The following KIAA0319L variants were observed in gnomAD, a reference collection of about 807,000 sequenced individuals.
KIAA0319L encodes KIAA0319 like, also known as dyslexia-associated protein KIAA0319-like protein.
In KIAA0319L, 55 loss-of-function variants were observed where a neutral mutation model predicts 120.1. The observed-to-expected ratio is 0.46, with a 90% CI of 0.37 to 0.57. The LOEUF (loss-of-function observed/expected upper bound fraction) is 0.57, where lower values mean the gene tolerates loss of function less well. Among genes scored for constraint, KIAA0319L ranks in the 20% least tolerant of loss-of-function variants. The probability of loss-of-function intolerance (pLI) is 0.00; values close to 1 mark genes in which losing one functional copy is unlikely to be tolerated. For synonymous variants in KIAA0319L, 398 were observed against 471.9 expected (o/e 0.84, Z 2.03); for missense variants, 1,049 against 1,255.3 (o/e 0.84, Z 2.48).
chr1:35,459,537 C>T (rs1429603276), intron 9 of KIAA0319L, among the ~76,000 whole-genome samples: 3 of 151,198 alleles, frequency 2.0e-5, no homozygotes, highest in African/African-American at 7.3e-5. Context: ...GCAGAGCTTG[C>T]AGTGAGCCGA....
chr1:35,484,135 T>C (rs1484191079), intron 3 of KIAA0319L, among the ~76,000 whole-genome samples: 1 of 152,244 alleles, frequency 6.6e-6, no homozygotes, highest in Non-Finnish European at 1.5e-5. Context: ...AGGTTCCAGA[T>C]GGACATGAAT....
At chr1:35,541,177 A>G (rs774939858) in intron 2 of KIAA0319L, among the ~76,000 whole-genome samples, 11 of 151,878 alleles carry the variant, frequency 7.2e-5, no homozygotes, top group Non-Finnish European at 1.0e-4. Context: ...TCTGGCCTCA[A>G]ACGATCCACC....
chr1:35,545,984 AG>A (rs1363512465), intron 2 of KIAA0319L, among the ~76,000 whole-genome samples: 4 of 152,174 alleles, frequency 2.6e-5, no homozygotes, highest in Non-Finnish European at 5.9e-5. Context: ...AGGAAAAGAA[AG>A]GGGGTAAAAG....
At chr1:35,554,312 T>TAAA in intron 2 of KIAA0319L, 38 bp downstream of exon 2, 1 of 1,175,582 alleles carries the variant, frequency 8.5e-7, no homozygotes, top group Non-Finnish European at 1.1e-6. Context: ...TGCCCTTTTC[T>TAAA]AAAAAAAAAA....
intron 2 of KIAA0319L, among the ~76,000 whole-genome samples, chr1:35,541,811 TGGAG>T (rs1265626143): frequency 6.6e-6 from 1 of 152,140 alleles, no homozygotes; most frequent in African/African-American, 2.4e-5. Flanking sequence ...GAGAGCAAGG[TGGAG>T]TCGTGGCAGC....
At chr1:35,460,707 TTAAACACATGAAAAAA>T (rs1642830811) in intron 8 of KIAA0319L, among the ~76,000 whole-genome samples, 2 of 152,324 alleles carry the variant, frequency 1.3e-5, no homozygotes, top group South Asian at 4.1e-4. Context: ...GCAATAATTC[TTAAACACATGAAAAAA>T]TACCCAACCT....
At chr1:35,511,555 C>A (rs1410632711) in intron 2 of KIAA0319L, 1 of 152,064 alleles carries the variant, frequency 6.6e-6, no homozygotes, top group Non-Finnish European at 1.5e-5. Context: ...CATAGTGAGA[C>A]CCCATCTCTA....
intron 2 of KIAA0319L, among the ~76,000 whole-genome samples, chr1:35,514,299 CAT>C (rs1406231741): frequency 6.6e-6 from 1 of 150,634 alleles, no homozygotes; most frequent in Non-Finnish European, 1.5e-5. Flanking sequence ...AAAGTAAACA[CAT>C]ATGAAATCAA....
At chr1:35,517,936 A>G (rs1176617307) in intron 2 of KIAA0319L, among the ~76,000 whole-genome samples, 15 of 152,248 alleles carry the variant, frequency 9.9e-5, no homozygotes, top group Admixed American at 9.2e-4. Flanking sequence ...TCAAAAGAAG[A>G]CATACAGGCA....
chr1:35,445,269 C>T (rs1558277950), intron 16 of KIAA0319L, among the ~76,000 whole-genome samples: 1 of 152,144 alleles, frequency 6.6e-6, no homozygotes, highest in Non-Finnish European at 1.5e-5. Context: ...AAGCTTGCTG[C>T]ACAGTGGGAT....
intron 3 of KIAA0319L, among the ~76,000 whole-genome samples, chr1:35,498,448 A>G (rs1570834318): frequency 6.6e-6 from 1 of 152,198 alleles, no homozygotes; most frequent in African/African-American, 2.4e-5. Context: ...AAATAATAAA[A>G]ACTAAACCAA....
rs548204268 is a variant in KIAA0319L at position 35,451,743 on chromosome 1, G to T, written c.1947C>A (p.Asn649Lys). ...GCCCAGTCACAGTAGCAACACTGCT[G>T]TTAGCATTCTCGAGCTGCACCCCAT... ...GPDGVQLENA[N>K]SSVATVTGLQ... Residue 649 changes from asparagine to lysine, a missense_variant, in exon 13 of 21, where the codon AAC becomes AAA. Coordinates refer to ENST00000325722, the MANE Select transcript of KIAA0319L (RefSeq NM_024874.5). 6.2e-7 allele frequency: 1 copy of T among 1,614,100 alleles called. No homozygotes were observed. The highest frequency in any genetic ancestry group is 1.1e-5 in the South Asian group (1 of 91,080).
At chr1:35,471,742 A>T (rs970437786) in intron 5 of KIAA0319L, among the ~76,000 whole-genome samples, 1 of 152,170 alleles carries the variant, frequency 6.6e-6, no homozygotes, top group East Asian at 1.9e-4. Context: ...GTAAAAAAGA[A>T]AAAGGGGGAA....
intron 2 of KIAA0319L, among the ~76,000 whole-genome samples, chr1:35,523,249 C>T (rs998255478): frequency 6.6e-6 from 1 of 152,130 alleles, no homozygotes; most frequent in African/African-American, 2.4e-5. Flanking sequence ...GAGGTTTCAG[C>T]TCAACCATTG....
At chr1:35,500,457 T>C (rs558401305) in intron 3 of KIAA0319L, among the ~76,000 whole-genome samples, 4 of 152,346 alleles carry the variant, frequency 2.6e-5, no homozygotes, top group South Asian at 4.1e-4. Flanking sequence ...AATATATTGA[T>C]GACATTCCTT....
At position 35,454,352 on chromosome 1, in the gene KIAA0319L, T is replaced by C. The variant is rs535721893; in HGVS notation, c.1780+10A>G. The C allele has an allele frequency of 1.1e-5, 18 of 1,613,776 alleles. No individual in the cohort carries two copies. In the South Asian group the frequency reaches 2.0e-4, roughly 18 times the overall value. ...AATAGAAGAGCCTGAACCACAAGGC[T>C]GGAGCTTACCAGGTTGCACAATAAC... On this transcript the variant is annotated intron_variant, in intron 11 of 20. Coordinates refer to ENST00000325722, the MANE Select transcript of KIAA0319L (RefSeq NM_024874.5).
At chr1:35,478,910 T>C in intron 4 of KIAA0319L, 56 bp downstream of exon 4, 1 of 1,580,278 alleles carries the variant, frequency 6.3e-7, no homozygotes, top group Admixed American at 1.7e-5. Flanking sequence ...TAAAAGGGAA[T>C]ACTTTGATCA....
chr1:35,543,717 G>C (rs1646879104), intron 2 of KIAA0319L, among the ~76,000 whole-genome samples: 1 of 152,072 alleles, frequency 6.6e-6, no homozygotes, highest in Admixed American at 6.6e-5. Flanking sequence ...GCAGGTATGA[G>C]AACAACAACA....
At chr1:35,455,913 G>T (rs980422225) in intron 10 of KIAA0319L, 100 bp downstream of exon 10, 3 of 871,442 alleles carry the variant, frequency 3.4e-6, no homozygotes, top group Non-Finnish European at 5.4e-6. Context: ...TTAATCAAAG[G>T]CCCCTAAAGC....
Sources: gnomAD v4.1 joint callset for allele counts (sites outside exome capture counted in the v4.1 genomes callset) on GRCh38, gnomAD v4.1.1 for gene constraint, MANE v1.5 for transcripts, NCBI Gene and HGNC (gene_info 2026-07-23, HGNC 2026-07-21) for gene names.